The following PCDHA3 variants were observed in gnomAD, a reference collection of about 807,000 sequenced individuals.
The protein encoded by PCDHA3 is protocadherin alpha 3, also known as protocadherin alpha-3.
A neutral mutation model predicts 62.2 loss-of-function variants in PCDHA3; 41 were observed. The ratio of observed to expected loss-of-function variants is 0.66; its 90% CI spans 0.51 to 0.86. The LOEUF is 0.86. Ranked by LOEUF, PCDHA3 falls within the 40% of genes least tolerant of loss-of-function variation. The probability of loss-of-function intolerance (pLI) is 0.00; values close to 1 mark genes in which losing one functional copy is unlikely to be tolerated. For missense variants in PCDHA3, 1,304 were observed against 1,241.2 expected, an observed-to-expected ratio of 1.05 and a Z score of -0.76; for synonymous variants, 640 against 555.4, an observed-to-expected ratio of 1.15 and a Z score of -2.14.
intron 3 of PCDHA3, among the ~76,000 whole-genome samples, chr5:140,984,938 G>A (rs1355399601): frequency 2.0e-5 from 3 of 151,924 alleles, no homozygotes; most frequent in Non-Finnish European, 2.9e-5. Flanking sequence ...GTTAATAAAT[G>A]TCTAATCTTT....
intron 1 of PCDHA3, among the ~76,000 whole-genome samples, chr5:140,917,324 CG>C (rs1299895515): frequency 5.3e-5 from 4 of 76,126 alleles, no homozygotes; most frequent in African/African-American, 1.7e-4. Context: ...GTTCATGTGG[CG>C]GGGGAGGGGG....
intron 1 of PCDHA3, chr5:140,969,181 T>C (rs1554231546): frequency 1.2e-6 from 2 of 1,613,978 alleles, no homozygotes; most frequent in Non-Finnish European, 8.5e-7. Flanking sequence ...GGAGTGACAC[T>C]TTCATGTTTT....
rs781941183 is a variant in PCDHA3, at chr5:140,884,613, C to T, written c.2394+81022C>T. On this transcript the variant is annotated intron_variant, in intron 1 of 3. Transcript: ENST00000522353. ...CCCAGCCTTCCTCCTTGTCTGGGTT[C>T]TGCAGAGGGAACAGGCCAGAGGGAG... 3 of 1,614,086 alleles carry T rather than the reference C, an allele frequency of 1.9e-6. No individual in the cohort carries two copies. The South Asian group carries it at 3.3e-5, about 18-fold the overall frequency.
intron 1 of PCDHA3, chr5:140,969,185 A>G (rs782632936): frequency 1.9e-6 from 3 of 1,613,974 alleles, no homozygotes; most frequent in South Asian, 1.1e-5. Context: ...TGACACTTTC[A>G]TGTTTTACAA....
intron 1 of PCDHA3, chr5:140,877,883 A>T: frequency 1.4e-6 from 2 of 1,460,312 alleles, no homozygotes; most frequent in East Asian, 2.5e-5. Context: ...TCCTTGAAGA[A>T]CTTCCGTTTA....
chr5:140,850,161 C>G, intron 1 of PCDHA3: 1 of 1,594,998 alleles, frequency 6.3e-7, no homozygotes, highest in Non-Finnish European at 8.6e-7. Context: ...GGTGTTCGTG[C>G]TGGACGAGAA....
intron 1 of PCDHA3, among the ~76,000 whole-genome samples, chr5:140,846,986 C>A (rs1780801174): frequency 6.7e-6 from 1 of 149,066 alleles, no homozygotes; most frequent in South Asian, 2.1e-4. Flanking sequence ...AGTAAGTTCC[C>A]CCCGGGAGAA....
At chr5:140,959,548 A>G (rs1554224134) in intron 1 of PCDHA3, among the ~76,000 whole-genome samples, 2 of 152,194 alleles carry the variant, frequency 1.3e-5, no homozygotes, top group Non-Finnish European at 2.9e-5. Flanking sequence ...ATGCTGTATA[A>G]ATAGAATCAG....
intron 1 of PCDHA3, chr5:140,810,659 GT>G (rs1271991109): frequency 7.3e-6 from 1 of 137,198 alleles, no homozygotes; most frequent in African/African-American, 2.9e-5. Context: ...CTAGTCTGTT[GT>G]TTTTCTTTTC....
chr5:140,837,856 T>A (rs1212589641), intron 1 of PCDHA3, among the ~76,000 whole-genome samples: 1 of 151,590 alleles, frequency 6.6e-6, no homozygotes, highest in African/African-American at 2.4e-5. Context: ...TTTATTTTAT[T>A]TTTGTAGAGA....
rs1762829774 is a variant in PCDHA3 at position 140,802,012 on chromosome 5, G to T, written c.815G>T (p.Gly272Val). 1.2e-6 allele frequency: 2 copies of T among 1,614,172 alleles called. No homozygotes were observed. The highest frequency in any genetic ancestry group is 2.7e-5 in the African/African-American group (2 of 75,048). The change falls in exon 1 of 4, where the codon GGA (glycine) becomes GTA (valine). Residue 272 changes from glycine (G) to valine (V), a missense_variant. Physicochemically the swap from Gly to Val is moderately radical, Grantham distance 109. Coordinates refer to ENST00000522353, the MANE Select transcript of PCDHA3 (RefSeq NM_018906.3). ...GTTAACGCCACCGATTTGGATGAAG[G>T]AGTAAATAAGGATATCGCGTATTCT... ...VTVNATDLDE[G>V]VNKDIAYSFN...
intron 3 of PCDHA3, among the ~76,000 whole-genome samples, chr5:140,989,227 C>T (rs933142074): frequency 2.6e-5 from 4 of 152,162 alleles, no homozygotes; most frequent in African/African-American, 9.7e-5. Flanking sequence ...TTCTTTGTAG[C>T]TGAAGTTTTA....
intron 1 of PCDHA3, among the ~76,000 whole-genome samples, chr5:140,894,352 G>A (rs2064438357): frequency 6.6e-6 from 1 of 151,796 alleles, no homozygotes; most frequent in Admixed American, 6.6e-5. Context: ...TATTACTTCA[G>A]ATTTCTTCTT....
At chr5:141,007,507 G>A (rs2098333216) in intron 3 of PCDHA3, among the ~76,000 whole-genome samples, 1 of 151,980 alleles carries the variant, frequency 6.6e-6, no homozygotes, top group Admixed American at 6.6e-5. Flanking sequence ...GGCAGAGACT[G>A]CAGTGAGCTG....
intron 1 of PCDHA3, chr5:140,857,253 A>G (rs1554149722): frequency 1.3e-6 from 2 of 1,598,432 alleles, no homozygotes; most frequent in Admixed American, 3.4e-5. Context: ...ACCTACAAGA[A>G]TTACTACTCA....
At chr5:140,842,986 G>T in intron 1 of PCDHA3, 1 of 1,595,006 alleles carries the variant, frequency 6.3e-7, no homozygotes, top group Admixed American at 1.7e-5. Context: ...AGGTGTTCGT[G>T]CTGGACGAGA....
chr5:140,858,197 A>T lies in PCDHA3; in HGVS notation c.2394+54606A>T. On this transcript the variant is annotated intron_variant, in intron 1 of 3. Transcript: ENST00000522353. ...GCTGGTGCTCACGCTGCTGCTGTAC[A>T]CTGCACTGAGGTGCTCGGCGGCGCC... is the stretch of plus-strand genomic sequence containing the variant. The T allele has an allele frequency of 1.3e-6, 2 of 1,597,058 alleles. 1 individual carries two copies.
intron 1 of PCDHA3, among the ~76,000 whole-genome samples, chr5:140,874,638 C>A (rs2055040349): frequency 6.6e-6 from 1 of 152,272 alleles, no homozygotes; most frequent in South Asian, 2.1e-4. Context: ...AAGTGCTTTA[C>A]TTTTGCTAGA....
At chr5:140,828,295 C>T (rs1769680333) in intron 1 of PCDHA3, 1 of 1,614,006 alleles carries the variant, frequency 6.2e-7, no homozygotes, top group Non-Finnish European at 8.5e-7. Flanking sequence ...GGATGGCCTC[C>T]AAAGACCGCG....
Sources: allele counts gnomAD v4.1 joint callset (sites outside exome capture counted in the v4.1 genomes callset), GRCh38; gene constraint gnomAD v4.1.1; transcripts MANE v1.5; gene names NCBI Gene and HGNC (gene_info 2026-07-23, HGNC 2026-07-21).